The following TEX15 variants were observed in gnomAD, a reference collection of about 807,000 sequenced individuals.
TEX15 encodes the protein testis-expressed protein 15.
Under a neutral mutation model 237.3 loss-of-function variants are expected in TEX15, and 171 were observed. The ratio of observed to expected loss-of-function variants is 0.72; its 90% CI spans 0.64 to 0.82. The LOEUF is 0.82. TEX15 is among the 40% of genes least tolerant of loss of function. The pLI, the probability that TEX15 is intolerant of heterozygous loss-of-function variation, is 0.00. For missense variants in TEX15, 3,750 were observed against 3,646.5 expected (o/e 1.03, Z -0.73); for synonymous variants, 1,338 against 1,269.8 (o/e 1.05, Z -1.14).
intron 4 of TEX15, among the ~76,000 whole-genome samples, chr8:30,873,423 A>G (rs1174347865): frequency 6.6e-6 from 1 of 152,184 alleles, no homozygotes; most frequent in Non-Finnish European, 1.5e-5. Flanking sequence ...GGAAATGGTC[A>G]AGGCACTCTA....
intron 3 of TEX15, among the ~76,000 whole-genome samples, chr8:30,876,405 C>T (rs990932684): frequency 2.6e-5 from 4 of 152,122 alleles, no homozygotes; most frequent in African/African-American, 9.7e-5. Flanking sequence ...GGTAATGTGA[C>T]CTAAGTTCTT....
chr8:30,842,073 A>G lies in TEX15; in HGVS notation c.8094T>C (p.Thr2698=), dbSNP rs1406732551. Residue 2698 remains threonine, a synonymous_variant, in exon 8 of 11, where the codon ACT becomes ACC. Transcript: ENST00000643185. ...CCTGAGAGTCTTCACATTTGTCTACAGTGCTCGGTCGTTTTTTAGAGGAAT... is the reference window on the plus strand; with the variant it reads ...CCTGAGAGTCTTCACATTTGTCTACGGTGCTCGGTCGTTTTTTAGAGGAAT... ...ISNSSKKRPS[T]VDKCEDSQEQ... is the part of the protein sequence containing the mutation. The G allele has an allele frequency of 6.2e-7, 1 of 1,613,418 alleles. No individual in the cohort carries two copies.
chr8:30,912,334 T>TCAGGC (rs1440679200), intron 1 of TEX15, among the ~76,000 whole-genome samples: 1 of 150,756 alleles, frequency 6.6e-6, no homozygotes, highest in Non-Finnish European at 1.5e-5. Context: ...GCGGCGGGGC[T>TCAGGC]CCCGCCCCCT....
In TEX15 at chr8:30,848,238, A is replaced by C; in HGVS notation, c.1929T>G (p.Ile643Met). 1 of 1,612,454 alleles carries C rather than the reference A, an allele frequency of 6.2e-7. No individual in the cohort carries two copies. The highest frequency in any genetic ancestry group is 8.5e-7 in the Non-Finnish European group (1 of 1,179,726). The change falls in exon 8 of 11, where the codon ATT becomes ATG. Residue 643 changes from isoleucine to methionine, a missense_variant. By Grantham distance (10) the Ile-to-Met change is conservative. Transcript: ENST00000643185. ...TTGTTTCATTAGTGAAATCATTATC[A>C]ATTTCTTTCCATGAAGTTTGCTTTT... ...HEEKQTSWKE[I>M]DNDFTNETKI...
At chr8:30,868,865 C>CT (rs78255315) in intron 4 of TEX15, among the ~76,000 whole-genome samples, 20,624 of 134,740 alleles carry the variant, frequency 0.15, 2,414 homozygotes, top group African/African-American at 0.33. Context: ...GGGCTAAATT[C>CT]TTTTTTTTTT....
At chr8:30,863,121 C>T (rs917400637) in intron 5 of TEX15, among the ~76,000 whole-genome samples, 1 of 152,078 alleles carries the variant, frequency 6.6e-6, no homozygotes, top group Admixed American at 6.5e-5. Context: ...TGCTTAAAAC[C>T]AGAATGTTTC....
In TEX15 at chr8:30,843,979, T is replaced by A; in HGVS notation, c.6188A>T (p.His2063Leu). ...VDQNLWNNCK[H>L]TLKPCAVDTL... ...GTCAACAGCACATGGTTTTAATGTG[T>A]GTTTGCAATTATTCCACAGGTTTTG... The change falls in exon 8 of 11, where the codon CAC becomes CTC. Residue 2063 changes from histidine (H) to leucine (L), a missense_variant. Physicochemically the swap from His to Leu is moderately conservative, Grantham distance 99. Transcript: ENST00000643185. 6.2e-7 allele frequency: 1 copy of A among 1,613,058 alleles called. No homozygotes were observed. Among genetic ancestry groups the A allele is most frequent in the South Asian group, 1.1e-5 (1 of 90,958 alleles).
chr8:30,841,183 G>A (rs919016599), intron 8 of TEX15, among the ~76,000 whole-genome samples: 1 of 152,204 alleles, frequency 6.6e-6, no homozygotes, highest in African/African-American at 2.4e-5. Flanking sequence ...GCCTCCCAAA[G>A]TGCCGGGATT....
intron 2 of TEX15, among the ~76,000 whole-genome samples, chr8:30,889,954 C>CATATATATATATATATACATATAT: frequency 3.6e-5 from 4 of 110,084 alleles, no homozygotes; most frequent in African/African-American, 1.8e-4. Flanking sequence ...TATATATATA[C>CATATATATATATATATACATATAT]ATATATATAT....
intron 1 of TEX15, among the ~76,000 whole-genome samples, chr8:30,903,373 C>T (rs191632652): frequency 6.6e-6 from 1 of 152,260 alleles, no homozygotes; most frequent in African/African-American, 2.4e-5. Flanking sequence ...GTTAAGGGGC[C>T]CCCAGGGGTT....
intron 5 of TEX15, among the ~76,000 whole-genome samples, chr8:30,862,157 G>C (rs1372265965): frequency 6.6e-6 from 1 of 151,984 alleles, no homozygotes; most frequent in African/African-American, 2.4e-5. Context: ...TTGACACCTA[G>C]GAATAAACCA....
At chr8:30,852,263 G>A (rs1807805249) in intron 7 of TEX15, among the ~76,000 whole-genome samples, 2 of 151,512 alleles carry the variant, frequency 1.3e-5, no homozygotes, top group Admixed American at 6.6e-5. Context: ...CCGCCACCAC[G>A]CCTGGCTAAT....
chr8:30,900,963 G>A (rs1446021377), intron 1 of TEX15, among the ~76,000 whole-genome samples: 1 of 152,160 alleles, frequency 6.6e-6, no homozygotes, highest in Non-Finnish European at 1.5e-5. Context: ...TTTGAGACCA[G>A]CTCGGGCAAC....
chr8:30,883,367 TTC>T (rs1258619224), intron 3 of TEX15, among the ~76,000 whole-genome samples: 2 of 138,662 alleles, frequency 1.4e-5, no homozygotes, highest in African/African-American at 6.4e-5. Flanking sequence ...TCTCAGTATT[TTC>T]TTTTTTTTTT....
intron 1 of TEX15, among the ~76,000 whole-genome samples, chr8:30,902,507 C>T (rs1285138500): frequency 6.6e-6 from 1 of 152,194 alleles, no homozygotes; most frequent in African/African-American, 2.4e-5. Context: ...AGGTCACTAA[C>T]AATTTTAACT....
chr8:30,887,121 A>G, intron 3 of TEX15, 46 bp downstream of exon 3: 1 of 1,455,328 alleles, frequency 6.9e-7, no homozygotes, highest in Non-Finnish European at 9.1e-7. Context: ...AATCAGAGAA[A>G]TACAGTAATA....
intron 2 of TEX15, among the ~76,000 whole-genome samples, chr8:30,889,876 A>C (rs919317765): frequency 6.8e-6 from 1 of 147,122 alleles, no homozygotes; most frequent in Non-Finnish European, 1.5e-5. Context: ...CATATTACAA[A>C]TTATATCATA....
chr8:30,881,119 A>C (rs562293571), intron 3 of TEX15, among the ~76,000 whole-genome samples: 61 of 152,288 alleles, frequency 4.0e-4, no homozygotes, highest in African/African-American at 1.2e-3. Flanking sequence ...GTTGTGTGCA[A>C]TAATTCATTT....
chr8:30,858,689 T>C lies in TEX15; in HGVS notation c.829A>G (p.Thr277Ala). The C allele has an allele frequency of 6.5e-7, 1 of 1,535,008 alleles. No homozygotes were observed. Among genetic ancestry groups the C allele is most frequent in the Non-Finnish European group, 8.7e-7 (1 of 1,146,460 alleles). Reference sequence around the variant, plus strand: ...TTACCAGCTCTCTTAGGAAATCCTGTTGAGAGGAATCTCAAAGATGTCATA... The same window carrying C: ...TTACCAGCTCTCTTAGGAAATCCTGCTGAGAGGAATCTCAAAGATGTCATA... ...RLMTSLRFLSTGFPKRAERTC... is the reference protein window; with the variant it reads ...RLMTSLRFLSAGFPKRAERTC... The change falls in exon 7 of 11, where the codon ACA becomes GCA. Residue 277 changes from threonine (T) to alanine (A), a missense_variant. Transcript: ENST00000643185.
Sources: gnomAD v4.1 joint callset for allele counts (sites outside exome capture counted in the v4.1 genomes callset) on GRCh38, gnomAD v4.1.1 for gene constraint, MANE v1.5 for transcripts, NCBI Gene and HGNC (gene_info 2026-07-23, HGNC 2026-07-21) for gene names.